Variants in CCNQ observed in about 807,000 individuals in gnomAD.
CCNQ encodes the protein cyclin Q.
CCNQ carries 3 observed loss-of-function variants against 17.7 expected under a neutral mutation model. The ratio of observed to expected loss-of-function variants is 0.17; its 90% CI spans 0.08 to 0.44. CCNQ has a LOEUF of 0.44. Ranked by LOEUF, CCNQ falls within the 20% of genes least tolerant of loss-of-function variation. CCNQ has a pLI of 0.99. For synonymous variants in CCNQ, 73 were observed against 96.0 expected, an observed-to-expected ratio of 0.76 and a Z score of 1.40; for missense variants, 146 against 222.6, an observed-to-expected ratio of 0.66 and a Z score of 2.19.
rs373581111 is a variant in CCNQ at position 153,595,957 on chromosome X, G to A, written c.296+47C>T. 65 of 1,198,214 alleles carry A rather than the reference G, an allele frequency of 5.4e-5. No homozygotes were observed. In the East Asian group the frequency reaches 1.1e-3, roughly 21 times the overall value. Reference sequence around the variant, plus strand: ...GGCCCCATAGGAGCCTTCCCTGCCCGTCCCCCCCACCGGGTGGAGATCAGG... The same window carrying A: ...GGCCCCATAGGAGCCTTCCCTGCCCATCCCCCCCACCGGGTGGAGATCAGG... On this transcript the variant is annotated intron_variant, in intron 2 of 4. Coordinates refer to ENST00000576892, the MANE Select transcript of CCNQ (RefSeq NM_152274.5).
chrX:153,590,230 T>TAAAAA (rs2090981542), intron 4 of CCNQ, among the ~76,000 whole-genome samples: 2 of 3,502 alleles, frequency 5.7e-4, no homozygotes, highest in Non-Finnish European at 2.7e-3. Context: ...TCTGTCTCTA[T>TAAAAA]TAAAAAAAAA....
chrX:153,594,795 T>C, intron 2 of CCNQ, 116 bp from the exon 3 acceptor site: 2 of 782,777 alleles, frequency 2.6e-6, no homozygotes, highest in Non-Finnish European at 3.9e-6. Flanking sequence ...CATCTGCAGA[T>C]TCATGGAGGG....
chrX:153,589,047 C>G (rs2090973215), intron 4 of CCNQ, among the ~76,000 whole-genome samples: 1 of 113,140 alleles, frequency 8.8e-6, no homozygotes, highest in Non-Finnish European at 1.9e-5. Flanking sequence ...GCAGGTCTGG[C>G]CTCTGCCTGG....
chrX:153,588,191 T>G lies in CCNQ; in HGVS notation c.*174A>C, dbSNP rs191478924. Reference sequence around the variant, plus strand: ...TCCCACCATCACCTGCACCGCGACTTCTAGGGACTGGCAAAGCGGCAGCAT... The same window carrying G: ...TCCCACCATCACCTGCACCGCGACTGCTAGGGACTGGCAAAGCGGCAGCAT... On this transcript the variant is annotated 3_prime_UTR_variant, in exon 5 of 5. Coordinates refer to ENST00000576892, the MANE Select transcript of CCNQ (RefSeq NM_152274.5). The G allele has an allele frequency of 1.9e-3, 1,042 of 548,599 alleles. 4 individuals carry two copies. In the African/African-American group the frequency reaches 0.021, roughly 11 times the overall value. The allele number at this position is 548,599 out of a possible 1,213,427, so 45.2% of individuals were successfully genotyped here.
rs1046415443 is a variant in CCNQ at position 153,588,291 on chromosome X, T to G, written c.*74A>C. ...CTGGTCCTGTGGGGACCAGCCGTCA[T>G]GGCGACGTGGTGACAATGTCCCCAG... On this transcript the variant is annotated 3_prime_UTR_variant, in exon 5 of 5. Coordinates refer to ENST00000576892, the MANE Select transcript of CCNQ (RefSeq NM_152274.5). 1 of 864,204 alleles carries G rather than the reference T, an allele frequency of 1.2e-6. No homozygotes were observed. The highest frequency in any genetic ancestry group is 2.2e-5 in the Admixed American group (1 of 45,592). 71.2% of individuals were successfully genotyped at this position (864,204 alleles called of 1,213,427 possible). A position where few individuals can be genotyped will look rare whatever the true frequency, so the allele number is the denominator to read the frequency against.
rs1569536803 is a variant in CCNQ at position 153,592,686 on chromosome X, G to A, written c.477C>T (p.His159=). The change falls in exon 4 of 5, where the codon CAC becomes CAT. Residue 159 remains histidine, a synonymous_variant. Transcript: ENST00000576892. ...LVSLQNWLNR[H]SWQRTPVAVT... Reference sequence around the variant, plus strand: ...CGGCAACAGGGGTCCGCTGCCAGCTGTGGCGGTTCAGCCAGTTCTGGAGGG... The same window carrying A: ...CGGCAACAGGGGTCCGCTGCCAGCTATGGCGGTTCAGCCAGTTCTGGAGGG... 8.3e-7 allele frequency: 1 copy of A among 1,211,422 alleles called. No homozygotes were observed. Among genetic ancestry groups the A allele is most frequent in the Non-Finnish European group, 1.1e-6 (1 of 895,149 alleles).
chrX:153,598,840 C>G (rs985392162), intron 1 of CCNQ, 122 bp downstream of exon 1: 5 of 460,182 alleles, frequency 1.1e-5, no homozygotes, highest in Non-Finnish European at 1.6e-5. Flanking sequence ...TCCTCAGCCC[C>G]GAGCAGGGCT....
chrX:153,594,350 C>T (rs1400058479), intron 3 of CCNQ, among the ~76,000 whole-genome samples, 197 bp downstream of exon 3: 1 of 113,050 alleles, frequency 8.8e-6, no homozygotes, highest in Non-Finnish European at 1.9e-5. Context: ...GCTGAGAAAA[C>T]CCACAGGGGT....
intron 4 of CCNQ, 79 bp downstream of exon 4, chrX:153,592,427 T>C (rs1430642218): frequency 1.7e-5 from 16 of 963,289 alleles, no homozygotes; most frequent in Non-Finnish European, 1.9e-5. Flanking sequence ...GGATAATTAA[T>C]AGAATTTGGT....
chrX:153,592,753 A>C lies in CCNQ; in HGVS notation c.430-20T>G. On this transcript the variant is annotated intron_variant, in intron 3 of 4. Coordinates refer to ENST00000576892, the MANE Select transcript of CCNQ (RefSeq NM_152274.5). ...CAGGTACTGCAAAGACACGTGTGTC[A>C]GCCTTTAGGCCCACCAGCTGCTCTC... 6.0e-6 allele frequency: 7 copies of C among 1,175,010 alleles called. No homozygotes were observed. The highest frequency in any genetic ancestry group is 8.1e-6 in the Non-Finnish European group (7 of 866,934).
chrX:153,598,698 C>A (rs906040463), intron 1 of CCNQ, among the ~76,000 whole-genome samples: 3 of 113,284 alleles, frequency 2.6e-5, no homozygotes, highest in Admixed American at 9.2e-5. Flanking sequence ...CTGCGGGCGC[C>A]CGGGCCGGTC....
Position 153,596,103 on chromosome X carries a change from G to A in CCNQ, c.197C>T (p.Ala66Val). ...CATGGCAATCAGGTAAGGGTCATAG[G>A]CGTCCAGGTTGGTCTCGCAAAAGAA... Reference protein sequence around the residue: ...HKFFCETNLDAYDPYLIAMSS... With the variant: ...HKFFCETNLDVYDPYLIAMSS... Residue 66 changes from alanine to valine, a missense_variant, in exon 2 of 5, where the codon GCC becomes GTC. Transcript: ENST00000576892. 8.2e-7 allele frequency: 1 copy of A among 1,212,231 alleles called. No homozygotes were observed. The highest frequency in any genetic ancestry group is 1.1e-6 in the Non-Finnish European group (1 of 895,590).
chrX:153,595,314 C>T (rs1196743858), intron 2 of CCNQ, among the ~76,000 whole-genome samples: 5 of 111,345 alleles, frequency 4.5e-5, no homozygotes, highest in African/African-American at 1.6e-4. Context: ...GACGAGGTTT[C>T]ACCATGTTGA....
intron 2 of CCNQ, 33 bp downstream of exon 2, chrX:153,595,971 G>C: frequency 8.3e-7 from 1 of 1,208,916 alleles, no homozygotes; most frequent in Non-Finnish European, 1.1e-6. Flanking sequence ...CCCCCACCGG[G>C]TGGAGATCAG....
intron 4 of CCNQ, among the ~76,000 whole-genome samples, chrX:153,591,085 G>A (rs1557025676): frequency 8.9e-6 from 1 of 111,806 alleles, no homozygotes; most frequent in African/African-American, 3.3e-5. Flanking sequence ...AGTGGCAGCC[G>A]AGAGCACACA....
chrX:153,588,940 C>T (rs1557025151), intron 4 of CCNQ, among the ~76,000 whole-genome samples: 2 of 113,123 alleles, frequency 1.8e-5, no homozygotes, highest in South Asian at 3.6e-4. Context: ...CAGGAGCACT[C>T]GCAAGACGGC....
intron 4 of CCNQ, 56 bp from the exon 5 acceptor site, chrX:153,588,510 C>A: frequency 2.3e-6 from 2 of 882,569 alleles, no homozygotes; most frequent in East Asian, 3.1e-5. Context: ...TTAAACAAGG[C>A]ACCTGTCACT....
chrX:153,595,940 A>T, intron 2 of CCNQ, 64 bp downstream of exon 2: 1 of 1,171,852 alleles, frequency 8.5e-7, no homozygotes, highest in Non-Finnish European at 1.2e-6. Context: ...AGGGCCCCAT[A>T]GGAGCCTTCC....
chrX:153,593,809 C>A (rs782049112), intron 3 of CCNQ, among the ~76,000 whole-genome samples: 27 of 112,228 alleles, frequency 2.4e-4, no homozygotes, highest in South Asian at 1.1e-3. Flanking sequence ...GCTGTGTTAC[C>A]CCTGGGGGAG....
Sources: gnomAD v4.1 joint callset for allele counts (sites outside exome capture counted in the v4.1 genomes callset) on GRCh38, gnomAD v4.1.1 for gene constraint, MANE v1.5 for transcripts, NCBI Gene and HGNC (gene_info 2026-07-23, HGNC 2026-07-21) for gene names.